The following STIMATE variants were observed in gnomAD, a reference collection of about 807,000 sequenced individuals.
STIMATE encodes STIM activating enhancer, also known as store-operated calcium entry regulator STIMATE.
STIMATE carries 15 observed loss-of-function variants against 36.7 expected under a neutral mutation model. The ratio of observed to expected loss-of-function variants is 0.41; its 90% CI spans 0.27 to 0.63. The LOEUF is 0.63. Ranked by LOEUF, STIMATE falls within the 20% of genes least tolerant of loss-of-function variation. The pLI, the probability that STIMATE is intolerant of heterozygous loss-of-function variation, is 0.32. For synonymous variants in STIMATE, 163 were observed against 162.3 expected, an observed-to-expected ratio of 1.00 and a Z score of -0.03; for missense variants, 305 against 397.3, an observed-to-expected ratio of 0.77 and a Z score of 1.98.
Position 52,836,980 on chromosome 3 carries a change from A to C in STIMATE, c.*3514T>G. Reference sequence around the variant, plus strand: ...AACCCAACCAACCAACCACCAACCAACCCAGGAGCTCAAGGTGCTTGTGGC... The same window carrying C: ...AACCCAACCAACCAACCACCAACCACCCCAGGAGCTCAAGGTGCTTGTGGC... On this transcript the variant is annotated 3_prime_UTR_variant, in exon 8 of 8. Coordinates refer to ENST00000355083, the MANE Select transcript of STIMATE (RefSeq NM_198563.5). 2 of 182,534 alleles carry C rather than the reference A, an allele frequency of 1.1e-5. No individual in the cohort carries two copies. Among genetic ancestry groups the C allele is most frequent in the Non-Finnish European group, 2.3e-5 (2 of 85,550 alleles). 11.3% of individuals were successfully genotyped at this position (182,534 alleles called of 1,614,324 possible).
chr3:52,841,109 T>C (rs755595079), intron 7 of STIMATE, among the ~76,000 whole-genome samples: 6 of 152,234 alleles, frequency 3.9e-5, no homozygotes, highest in Non-Finnish European at 8.8e-5. Context: ...ACTCATGGGC[T>C]ACTGAAGCCA....
chr3:52,850,727 T>G (rs535999014), intron 3 of STIMATE, among the ~76,000 whole-genome samples: 1 of 144,104 alleles, frequency 6.9e-6, no homozygotes, highest in African/African-American at 2.5e-5. Flanking sequence ...GTAATATTTT[T>G]ACACTGTTTT....
intron 3 of STIMATE, 143 bp from the exon 4 acceptor site, chr3:52,850,056 T>C: frequency 2.9e-6 from 4 of 1,379,880 alleles, no homozygotes; most frequent in Non-Finnish European, 3.8e-6. Flanking sequence ...CATGTGCCAG[T>C]GTAGCTGTCA....
At chr3:52,846,958 C>T (rs2001733) in intron 4 of STIMATE, among the ~76,000 whole-genome samples, 135,308 of 152,020 alleles carry the variant, frequency 0.89, 62,109 homozygotes, top group Non-Finnish European at 1. Context: ...GACTAGAGTG[C>T]AGGGGCATGA....
chr3:52,844,710 A>G (rs1700863644), intron 5 of STIMATE, 119 bp downstream of exon 5: 2 of 1,078,430 alleles, frequency 1.9e-6, no homozygotes, highest in Non-Finnish European at 1.3e-6. Context: ...CAAATGCAGG[A>G]CACATTCATA....
At chr3:52,855,345 C>A (rs1701074098) in intron 2 of STIMATE, 51 bp downstream of exon 2, 2 of 1,606,154 alleles carry the variant, frequency 1.2e-6, no homozygotes, top group Non-Finnish European at 1.7e-6. Flanking sequence ...GCCCCAAGAC[C>A]CCCAACATAG....
rs1011233314 is a variant in STIMATE at position 52,873,985 on chromosome 3, A to C, written c.161-18541T>G. On this transcript the variant is annotated intron_variant, in intron 1 of 7. Coordinates refer to ENST00000355083, the MANE Select transcript of STIMATE (RefSeq NM_198563.5). ...TGTGTGTTTTCCACCAGTCCACAAA[A>C]CACATGAAAAGTTGCGTCAGGTTAT... Among the ~76,000 whole-genome samples the C allele has an allele frequency of 5.3e-5, 8 of 152,212 alleles. 1 individual carries two copies. Among genetic ancestry groups the C allele is most frequent in the Non-Finnish European group, 1.5e-5 (1 of 68,028 alleles).
intron 1 of STIMATE, among the ~76,000 whole-genome samples, chr3:52,879,560 T>C (rs1388304562): frequency 6.6e-6 from 1 of 152,012 alleles, no homozygotes; most frequent in African/African-American, 2.4e-5. Flanking sequence ...ACAATGTAAA[T>C]AAACCAAGAC....
At position 52,838,081 on chromosome 3, in the gene STIMATE, C is replaced by T. The variant is rs1578793211; in HGVS notation, c.*2413G>A. The T allele has an allele frequency of 6.6e-6, 1 of 152,332 alleles. No homozygotes were observed. The highest frequency in any genetic ancestry group is 1.9e-4 in the East Asian group (1 of 5,174). The allele number at this position is 152,332 out of a possible 1,614,324, so 9.4% of individuals were successfully genotyped here. On this transcript the variant is annotated 3_prime_UTR_variant, in exon 8 of 8. Coordinates refer to ENST00000355083, the MANE Select transcript of STIMATE (RefSeq NM_198563.5). ...CCTATGGTCAGACACCCTATTAGAC[C>T]CCCGTCCCCTGGTCAGCCAGCCAGC...
rs1700774383 is a variant in STIMATE at position 52,840,365 on chromosome 3, G to A, written c.*129C>T. On this transcript the variant is annotated 3_prime_UTR_variant, in exon 8 of 8. Coordinates refer to ENST00000355083, the MANE Select transcript of STIMATE (RefSeq NM_198563.5). ...AGTAGTCTGGGGGCAGGCGAGAGCGGGCAGAGACAGCAAGAGGAGCAGAGG... is the reference window on the plus strand; with the variant it reads ...AGTAGTCTGGGGGCAGGCGAGAGCGAGCAGAGACAGCAAGAGGAGCAGAGG... The A allele has an allele frequency of 5.5e-6, 6 of 1,096,636 alleles. No individual in the cohort carries two copies. The highest frequency in any genetic ancestry group is 4.7e-5 in the African/African-American group (3 of 63,910). The allele number at this position is 1,096,636 out of a possible 1,614,324, so 67.9% of individuals were successfully genotyped here.
At chr3:52,896,373 C>T (rs1302516144) in intron 1 of STIMATE, among the ~76,000 whole-genome samples, 1 of 152,128 alleles carries the variant, frequency 6.6e-6, no homozygotes, top group African/African-American at 2.4e-5. Flanking sequence ...CCCTAAAACG[C>T]AGTCACAAGG....
rs769420787 is a variant in STIMATE, at chr3:52,897,255, C to T, written c.160+36G>A. 5 of 1,529,480 alleles carry T rather than the reference C, an allele frequency of 3.3e-6. No homozygotes were observed. In the South Asian group the frequency reaches 4.8e-5, roughly 15 times the overall value. 94.7% of individuals were successfully genotyped at this position (1,529,480 alleles called of 1,614,324 possible). ...GGGGGGCCGGGCCGCGGCTGCCGCGCAGGGCCTCCGGAGGGTCGGGGGGTC... is the reference window on the plus strand; with the variant it reads ...GGGGGGCCGGGCCGCGGCTGCCGCGTAGGGCCTCCGGAGGGTCGGGGGGTC... On this transcript the variant is annotated intron_variant, in intron 1 of 7. Transcript: ENST00000355083.
chr3:52,855,462 C>A lies in STIMATE; in HGVS notation c.161-18G>T. On this transcript the variant is annotated intron_variant, in intron 1 of 7. Coordinates refer to ENST00000355083, the MANE Select transcript of STIMATE (RefSeq NM_198563.5). The stretch of plus-strand genomic sequence containing the variant: ...GCGTTTGACTGAAAGAAAAGACAGA[C>A]ATCAGTAGTTTTCCAAAGAAGTTAC... 6.2e-7 allele frequency: 1 copy of A among 1,614,016 alleles called. No homozygotes were observed. The highest frequency in any genetic ancestry group is 1.1e-5 in the South Asian group (1 of 91,058).
intron 1 of STIMATE, among the ~76,000 whole-genome samples, chr3:52,861,589 T>C (rs887971496): frequency 2.0e-5 from 3 of 152,208 alleles, no homozygotes; most frequent in African/African-American, 7.2e-5. Flanking sequence ...GCACGTTGTC[T>C]CCAGGATTAA....
intron 3 of STIMATE, among the ~76,000 whole-genome samples, chr3:52,851,284 AG>A (rs1308115368): frequency 1.6e-4 from 25 of 152,340 alleles, no homozygotes; most frequent in African/African-American, 5.8e-4. Flanking sequence ...GTGGGAGACA[AG>A]GGCACTGGGT....
At chr3:52,897,238 G>A in intron 1 of STIMATE, 53 bp downstream of exon 1, 1 of 1,517,234 alleles carries the variant, frequency 6.6e-7, no homozygotes, top group East Asian at 2.5e-5. Context: ...CAGGGGGGCC[G>A]GGCCGCGGCT....
intron 3 of STIMATE, among the ~76,000 whole-genome samples, chr3:52,850,879 C>A (rs1363099114): frequency 6.6e-6 from 1 of 152,290 alleles, no homozygotes; most frequent in East Asian, 1.9e-4. Context: ...CAGGCACCCA[C>A]CACCACACAC....
At chr3:52,894,557 GAAAC>G (rs1211949315) in intron 1 of STIMATE, among the ~76,000 whole-genome samples, 3 of 152,158 alleles carry the variant, frequency 2.0e-5, no homozygotes, top group South Asian at 2.1e-4. Flanking sequence ...TAAAAACAAA[GAAAC>G]AAACAAACAA....
At chr3:52,887,874 T>C (rs1461733939) in intron 1 of STIMATE, among the ~76,000 whole-genome samples, 4 of 152,152 alleles carry the variant, frequency 2.6e-5, no homozygotes, top group African/African-American at 7.2e-5. Flanking sequence ...TTTACCTATT[T>C]AGAATATTAG....
Sources: gnomAD v4.1 joint callset for allele counts (sites outside exome capture counted in the v4.1 genomes callset) on GRCh38, gnomAD v4.1.1 for gene constraint, MANE v1.5 for transcripts, NCBI Gene and HGNC (gene_info 2026-07-23, HGNC 2026-07-21) for gene names.